Variants in DSTN observed in about 807,000 individuals in gnomAD.
DSTN encodes the protein destrin, actin depolymerizing factor.
Under a neutral mutation model 16.8 loss-of-function variants are expected in DSTN, and 10 were observed. The observed-to-expected ratio is 0.60, with a 90% CI of 0.37 to 1.01. The LOEUF (loss-of-function observed/expected upper bound fraction) is 1.01, where lower values mean the gene tolerates loss of function less well. Ranked by LOEUF, DSTN falls within the 50% of genes least tolerant of loss-of-function variation. The probability of loss-of-function intolerance (pLI) is 0.01; values close to 1 mark genes in which losing one functional copy is unlikely to be tolerated. For missense variants in DSTN, 141 were observed against 196.7 expected, an observed-to-expected ratio of 0.72 and a Z score of 1.69; for synonymous variants, 57 against 58.9, an observed-to-expected ratio of 0.97 and a Z score of 0.14.
In DSTN at chr20:17,609,583, A is replaced by G. The variant is rs1216016619; in HGVS notation, c.*2437A>G. 6.6e-6 allele frequency: 1 copy of G among 152,262 alleles called. No homozygotes were observed. The highest frequency in any genetic ancestry group is 1.5e-5 in the Non-Finnish European group (1 of 68,054). 9.4% of individuals were successfully genotyped at this position (152,262 alleles called of 1,614,324 possible). On this transcript the variant is annotated 3_prime_UTR_variant, in exon 4 of 4. Transcript: ENST00000246069. ...CAGTACAAAGGGATGTGATGTAAGC[A>G]TCCAGAACTCACTCCAGAAATTGAA... is the stretch of plus-strand genomic sequence containing the variant.
chr20:17,584,652 CAA>C (rs551581639), intron 1 of DSTN, among the ~76,000 whole-genome samples: 14 of 55,672 alleles, frequency 2.5e-4, no homozygotes, highest in Admixed American at 7.5e-4. Context: ...AACTCCGTCT[CAA>C]AAAAAAAAAA....
intron 1 of DSTN, chr20:17,599,262 C>G (rs781605746): frequency 1.3e-5 from 2 of 152,274 alleles, no homozygotes; most frequent in Non-Finnish European, 2.9e-5. Flanking sequence ...CTGTTAATAG[C>G]CACTAGGCTG....
At chr20:17,606,666 C>G (rs1045537940) in intron 3 of DSTN, among the ~76,000 whole-genome samples, 2 of 152,216 alleles carry the variant, frequency 1.3e-5, no homozygotes, top group African/African-American at 4.8e-5. Context: ...ACCAGCACCC[C>G]AGAAGCCTCC....
intron 1 of DSTN, among the ~76,000 whole-genome samples, chr20:17,591,191 T>C (rs1376888865): frequency 2.0e-5 from 3 of 152,176 alleles, no homozygotes; most frequent in East Asian, 3.8e-4. Flanking sequence ...ATAATAAATA[T>C]CTGTAAAACA....
chr20:17,594,951 C>CCT (rs2035510587), intron 1 of DSTN, among the ~76,000 whole-genome samples: 1 of 152,102 alleles, frequency 6.6e-6, no homozygotes, highest in Non-Finnish European at 1.5e-5. Flanking sequence ...GCATCACATG[C>CCT]CTTTGAGACA....
Position 17,608,953 on chromosome 20 carries a change from A to ACT in DSTN, c.*1807_*1808insCT, listed in dbSNP as rs1342416737. 1.3e-5 allele frequency: 2 copies of ACT among 152,192 alleles called. No homozygotes were observed. Among genetic ancestry groups the ACT allele is most frequent in the Non-Finnish European group, 2.9e-5 (2 of 68,026 alleles). The allele number at this position is 152,192 out of a possible 1,614,324, so 9.4% of individuals were successfully genotyped here. A position where few individuals can be genotyped will look rare whatever the true frequency, so the allele number is the denominator to read the frequency against. On this transcript the variant is annotated 3_prime_UTR_variant, in exon 4 of 4. Transcript: ENST00000246069. ...AGTTGCCGACAGTATTCAGTATAGTAACGTGCTGTCCAGGTTTGTGGTCTA... is the reference window on the plus strand; with the variant it reads ...AGTTGCCGACAGTATTCAGTATAGTACTACGTGCTGTCCAGGTTTGTGGTCTA...
At chr20:17,592,473 T>A (rs2035479825) in intron 1 of DSTN, among the ~76,000 whole-genome samples, 1 of 152,122 alleles carries the variant, frequency 6.6e-6, no homozygotes, top group Non-Finnish European at 1.5e-5. Flanking sequence ...ATTTAATCTT[T>A]ATTTCTTTTA....
At chr20:17,572,330 C>T (rs140094728) in intron 1 of DSTN, among the ~76,000 whole-genome samples, 1 of 152,306 alleles carries the variant, frequency 6.6e-6, no homozygotes, top group East Asian at 1.9e-4. Context: ...AGACCCCAAA[C>T]AAAACGTGTG....
Position 17,600,911 on chromosome 20 carries a change from T to C in DSTN, c.177T>C (p.Asp59=). The C allele has an allele frequency of 6.2e-7, 1 of 1,613,984 alleles. No individual in the cohort carries two copies. The highest frequency in any genetic ancestry group is 1.7e-5 in the Admixed American group (1 of 60,016). Residue 59 remains aspartate, a synonymous_variant, in exon 2 of 4, where the codon GAT becomes GAC. Transcript: ENST00000246069. The stretch of plus-strand genomic sequence containing the variant: ...AAGGCAAAGAGATCTTGGTTGGAGA[T>C]GTTGGTGTAACCATAACTGATCCTT... ...VEEGKEILVG[D]VGVTITDPFK... is the part of the protein sequence containing the mutation.
rs186523520 is a variant in DSTN, at chr20:17,570,358, G to A, written c.3+147G>A. The A allele has an allele frequency of 3.4e-3, 3,919 of 1,164,668 alleles. 96 individuals carry two copies. In the African/African-American group the frequency reaches 0.057, roughly 17 times the overall value. The allele number at this position is 1,164,668 out of a possible 1,614,324, so 72.1% of individuals were successfully genotyped here. ...GCTGCAGTGTCCGGGCTGCGGGTGAGGGGGGGTCTCTGGGCCTCCGTCTCC... is the reference window on the plus strand; with the variant it reads ...GCTGCAGTGTCCGGGCTGCGGGTGAAGGGGGGTCTCTGGGCCTCCGTCTCC... On this transcript the variant is annotated intron_variant, in intron 1 of 3. Transcript: ENST00000246069.
At chr20:17,596,866 A>G in intron 1 of DSTN, 1 of 909,124 alleles carries the variant, frequency 1.1e-6, no homozygotes, top group Non-Finnish European at 1.3e-6. Flanking sequence ...GTTTTTGATT[A>G]CTAGTACATC....
intron 1 of DSTN, among the ~76,000 whole-genome samples, chr20:17,575,555 C>T (rs2035269365): frequency 6.6e-6 from 1 of 151,948 alleles, no homozygotes; most frequent in East Asian, 1.9e-4. Flanking sequence ...CGTCCACCCT[C>T]AGGCTCAGTC....
In DSTN at chr20:17,608,874, A is replaced by G. The variant is rs1252416364; in HGVS notation, c.*1728A>G. ...ACTGCATATACTATGGTGGTCCCAT[A>G]CAATTATAATGTATTTTCTACTGTA... On this transcript the variant is annotated 3_prime_UTR_variant, in exon 4 of 4. Coordinates refer to ENST00000246069, the MANE Select transcript of DSTN (RefSeq NM_006870.4). 6.6e-6 allele frequency: 1 copy of G among 152,200 alleles called. No homozygotes were observed. The highest frequency in any genetic ancestry group is 1.5e-5 in the Non-Finnish European group (1 of 68,038). The allele number at this position is 152,200 out of a possible 1,614,324, so 9.4% of individuals were successfully genotyped here. A position where few individuals can be genotyped will look rare whatever the true frequency, so the allele number is the denominator to read the frequency against.
intron 1 of DSTN, among the ~76,000 whole-genome samples, chr20:17,590,775 G>T (rs1240590309): frequency 6.6e-6 from 1 of 152,138 alleles, no homozygotes; most frequent in African/African-American, 2.4e-5. Context: ...TAGGTTTCTT[G>T]ACAAATGAGC....
chr20:17,597,950 G>A (rs1309609252), intron 1 of DSTN, among the ~76,000 whole-genome samples: 1 of 152,060 alleles, frequency 6.6e-6, no homozygotes, highest in South Asian at 2.1e-4. Flanking sequence ...TGCAATAGGT[G>A]CCCTTTTCTG....
chr20:17,593,922 A>AAC (rs1445619336), intron 1 of DSTN, among the ~76,000 whole-genome samples: 1 of 151,374 alleles, frequency 6.6e-6, no homozygotes, highest in East Asian at 2.0e-4. Context: ...CTACAAAAAA[A>AAC]ATTTTAAAAA....
At chr20:17,584,082 A>AGTG (rs1568732962) in intron 1 of DSTN, among the ~76,000 whole-genome samples, 1 of 152,134 alleles carries the variant, frequency 6.6e-6, no homozygotes, top group Non-Finnish European at 1.5e-5. Flanking sequence ...AAGATTAGGA[A>AGTG]GTGGTGGTGA....
intron 1 of DSTN, among the ~76,000 whole-genome samples, chr20:17,581,329 A>G (rs2035341763): frequency 6.6e-6 from 1 of 152,100 alleles, no homozygotes; most frequent in Admixed American, 6.6e-5. Flanking sequence ...AAAAAATAAA[A>G]CATAAATAAC....
chr20:17,592,646 A>G (rs2035482231), intron 1 of DSTN, among the ~76,000 whole-genome samples: 2 of 152,088 alleles, frequency 1.3e-5, no homozygotes, highest in Admixed American at 1.3e-4. Flanking sequence ...ATGAAGAGCC[A>G]TACTACTAGT....
Sources: gnomAD v4.1 joint callset for allele counts (sites outside exome capture counted in the v4.1 genomes callset) on GRCh38, gnomAD v4.1.1 for gene constraint, MANE v1.5 for transcripts, NCBI Gene and HGNC (gene_info 2026-07-23, HGNC 2026-07-21) for gene names.